The following GLRA2 variants were observed in gnomAD, a reference collection of about 807,000 sequenced individuals.
GLRA2 encodes glycine receptor subunit alpha-2.
GLRA2 carries 11 observed loss-of-function variants against 31.6 expected under a neutral mutation model. The ratio of observed to expected loss-of-function variants is 0.35; its 90% CI spans 0.22 to 0.58. GLRA2 has a LOEUF of 0.58. GLRA2 is among the 20% of genes least tolerant of loss of function. GLRA2 has a pLI of 0.84. For synonymous variants in GLRA2, 132 were observed against 134.0 expected, an observed-to-expected ratio of 0.99 and a Z score of 0.10; for missense variants, 212 against 351.8, an observed-to-expected ratio of 0.60 and a Z score of 3.18.
chrX:14,660,791 A>G (rs1182198361), intron 7 of GLRA2, among the ~76,000 whole-genome samples: 1 of 112,117 alleles, frequency 8.9e-6, no homozygotes, highest in African/African-American at 3.2e-5. Context: ...AACTGGAATG[A>G]TGGAGTTAGC....
chrX:14,469,817 C>T, the GLRA2 span, among the ~76,000 whole-genome samples: 3 of 108,222 alleles, frequency 2.8e-5, no homozygotes, highest in Non-Finnish European at 3.8e-5. Flanking sequence ...GCACATTGTA[C>T]ACATGTACCC....
At chrX:14,458,159 A>G in the GLRA2 span, among the ~76,000 whole-genome samples, 49 of 110,327 alleles carry the variant, frequency 4.4e-4, no homozygotes, top group African/African-American at 1.6e-3. Flanking sequence ...GCTGAGAATG[A>G]TGGTTTCCAG....
chrX:14,490,300 A>G, the GLRA2 span, among the ~76,000 whole-genome samples: 1 of 112,124 alleles, frequency 8.9e-6, no homozygotes, highest in African/African-American at 3.2e-5. Flanking sequence ...AAGTGAAGTC[A>G]GTGGGCTTGG....
the GLRA2 span, among the ~76,000 whole-genome samples, chrX:14,486,078 A>C: frequency 9.0e-6 from 1 of 111,660 alleles, no homozygotes; most frequent in Non-Finnish European, 1.9e-5. Context: ...ACTAGTGGGA[A>C]AAAAGAGAGG....
intron 7 of GLRA2, among the ~76,000 whole-genome samples, chrX:14,619,777 C>T (rs1374770358): frequency 9.0e-6 from 1 of 110,524 alleles, no homozygotes; most frequent in African/African-American, 3.3e-5. Context: ...TGTATATTAT[C>T]TGTTTCCCTT....
chrX:14,617,222 C>A (rs967848839), intron 7 of GLRA2, among the ~76,000 whole-genome samples: 2 of 110,867 alleles, frequency 1.8e-5, no homozygotes, highest in Non-Finnish European at 3.8e-5. Flanking sequence ...AACTATGGGT[C>A]CAAATGGCTT....
chrX:14,473,652 C>G, the GLRA2 span, among the ~76,000 whole-genome samples: 215 of 111,242 alleles, frequency 1.9e-3, 1 homozygote, highest in Admixed American at 0.017. Context: ...TTCTATGCAC[C>G]CATCTCATCT....
At chrX:14,480,644 G>A in the GLRA2 span, among the ~76,000 whole-genome samples, 4 of 110,921 alleles carry the variant, frequency 3.6e-5, no homozygotes, top group East Asian at 8.5e-4. Context: ...TGTTTTTGTC[G>A]ACTTTTTGAA....
intron 7 of GLRA2, among the ~76,000 whole-genome samples, chrX:14,617,311 A>AG (rs1402961406): frequency 8.9e-6 from 1 of 112,114 alleles, no homozygotes; most frequent in Non-Finnish European, 1.9e-5. Context: ...GCACTATGTT[A>AG]TAATACATGA....
At chrX:14,459,856 C>G in the GLRA2 span, among the ~76,000 whole-genome samples, 14 of 111,755 alleles carry the variant, frequency 1.3e-4, no homozygotes, top group East Asian at 3.4e-3. Flanking sequence ...GTTTGAATAC[C>G]CTTTATTGCT....
intron 7 of GLRA2, among the ~76,000 whole-genome samples, chrX:14,679,143 TAAG>T (rs1157713900): frequency 1.9e-5 from 2 of 107,050 alleles, no homozygotes; most frequent in African/African-American, 3.4e-5. Flanking sequence ...CACACAGAAA[TAAG>T]AAGAAAGCTA....
At chrX:14,627,910 G>A (rs866786479) in intron 7 of GLRA2, among the ~76,000 whole-genome samples, 43 of 111,914 alleles carry the variant, frequency 3.8e-4, no homozygotes, top group African/African-American at 1.1e-3. Context: ...GTTCCAAACC[G>A]TATGTGTAGA....
chrX:14,470,661 G>T, the GLRA2 span, among the ~76,000 whole-genome samples: 28 of 111,673 alleles, frequency 2.5e-4, no homozygotes, highest in African/African-American at 9.1e-4. Context: ...AGAAACATGA[G>T]GGATACACAA....
At chrX:14,667,610 A>G (rs1459980140) in intron 7 of GLRA2, among the ~76,000 whole-genome samples, 1 of 111,781 alleles carries the variant, frequency 8.9e-6, no homozygotes, top group Non-Finnish European at 1.9e-5. Flanking sequence ...GGATAGATTA[A>G]AAATGAATAT....
chrX:14,487,665 GC>G, the GLRA2 span, among the ~76,000 whole-genome samples: 1 of 111,583 alleles, frequency 9.0e-6, no homozygotes, highest in Non-Finnish European at 1.9e-5. Flanking sequence ...AATTTAATCT[GC>G]TAAAATAATT....
chrX:14,556,664 G>A (rs907589054), intron 2 of GLRA2, among the ~76,000 whole-genome samples: 5 of 112,006 alleles, frequency 4.5e-5, no homozygotes, highest in Non-Finnish European at 7.5e-5. Context: ...AACATAAACT[G>A]TTCACTTTAA....
chrX:14,562,784 C>G (rs867218620), intron 2 of GLRA2, among the ~76,000 whole-genome samples: 30 of 111,314 alleles, frequency 2.7e-4, no homozygotes, highest in African/African-American at 7.9e-4. Flanking sequence ...AGGGGCCAAC[C>G]CTCACTTAAA....
the GLRA2 span, among the ~76,000 whole-genome samples, chrX:14,516,518 A>T: frequency 9.1e-6 from 1 of 110,063 alleles, no homozygotes; most frequent in African/African-American, 3.4e-5. Context: ...CCCTTTACCT[A>T]ACTGTTGTAA....
At chrX:14,493,506 T>G in the GLRA2 span, among the ~76,000 whole-genome samples, 1 of 104,479 alleles carries the variant, frequency 9.6e-6, no homozygotes, top group African/African-American at 3.5e-5. Flanking sequence ...AGGCTGAACA[T>G]ATATATATAT....
Sources: allele counts gnomAD v4.1 joint callset (sites outside exome capture counted in the v4.1 genomes callset), GRCh38; gene constraint gnomAD v4.1.1; transcripts MANE v1.5; gene names NCBI Gene and HGNC (gene_info 2026-07-23, HGNC 2026-07-21).